The following MCTP2 variants were observed in gnomAD, a reference collection of about 807,000 sequenced individuals.
The protein encoded by MCTP2 is multiple C2 and transmembrane domain-containing protein 2.
A neutral mutation model predicts 111.6 loss-of-function variants in MCTP2; 132 were observed. That is an observed-to-expected ratio of 1.18 (90% CI 1.03 to 1.37). MCTP2 has a LOEUF of 1.37. Ranked by LOEUF, MCTP2 falls within the 40% of genes most tolerant of loss-of-function variation. MCTP2 has a pLI of 0.00. For synonymous variants in MCTP2, 395 were observed against 387.7 expected (o/e 1.02, Z -0.22); for missense variants, 1,183 against 1,067.9 (o/e 1.11, Z -1.50).
At chr15:94,355,386 A>T (rs2078561238) in intron 8 of MCTP2, among the ~76,000 whole-genome samples, 1 of 152,226 alleles carries the variant, frequency 6.6e-6, no homozygotes, top group Admixed American at 6.5e-5. Context: ...ACATAGTGGA[A>T]ATTAAAAAAT....
At chr15:94,466,397 C>T (rs1049945267) in intron 20 of MCTP2, among the ~76,000 whole-genome samples, 1 of 152,060 alleles carries the variant, frequency 6.6e-6, no homozygotes, top group African/African-American at 2.4e-5. Flanking sequence ...GGGATACTAC[C>T]AGTCCCAGGA....
At chr15:94,315,236 A>G (rs1281711685) in intron 3 of MCTP2, among the ~76,000 whole-genome samples, 3 of 152,194 alleles carry the variant, frequency 2.0e-5, no homozygotes, top group African/African-American at 4.8e-5. Flanking sequence ...GGGATCCTGC[A>G]GTAATTTAAT....
intron 17 of MCTP2, among the ~76,000 whole-genome samples, chr15:94,431,348 G>T (rs2083175493): frequency 6.6e-6 from 1 of 152,198 alleles, no homozygotes. Flanking sequence ...GTTTGCAAAT[G>T]GTGCGGTGTG....
chr15:94,243,556 T>A (rs2071304201), intron 1 of MCTP2, among the ~76,000 whole-genome samples: 1 of 148,360 alleles, frequency 6.7e-6, no homozygotes, highest in African/African-American at 2.5e-5. Flanking sequence ...CGTATGCGTA[T>A]ATGCGTATGT....
At chr15:94,246,447 A>G (rs2072014606) in intron 1 of MCTP2, among the ~76,000 whole-genome samples, 1 of 152,204 alleles carries the variant, frequency 6.6e-6, no homozygotes. Flanking sequence ...CTGAAGCACC[A>G]TAGCCTCCCC....
rs756436436 is a variant in MCTP2, at chr15:94,298,415, C to G, written c.150C>G (p.Leu50=). The G allele has an allele frequency of 6.2e-7, 1 of 1,614,216 alleles. No individual in the cohort carries two copies. Among genetic ancestry groups the G allele is most frequent in the South Asian group, 1.1e-5 (1 of 91,084 alleles). The change falls in exon 2 of 23, where the codon CTC becomes CTG. Residue 50 remains leucine, a synonymous_variant. Transcript: ENST00000357742. ...ARHHLDRRLS[L]SVPDLLEAEA... ...ATCACTTGGACCGCCGTCTCAGCCT[C>G]TCTGTGCCTGATCTCCTGGAGGCTG...
chr15:94,450,058 C>T (rs1183638276), intron 19 of MCTP2, among the ~76,000 whole-genome samples: 1 of 151,812 alleles, frequency 6.6e-6, no homozygotes, highest in Non-Finnish European at 1.5e-5. Flanking sequence ...ACTGTGTATT[C>T]CTTTTACTTT....
chr15:94,237,789 C>A (rs1278834164), intron 1 of MCTP2, among the ~76,000 whole-genome samples: 2 of 152,038 alleles, frequency 1.3e-5, no homozygotes, highest in Non-Finnish European at 2.9e-5. Context: ...GAATAGGAAA[C>A]ATTTGTCATC....
chr15:94,444,007 CAGA>C (rs1430947370), intron 19 of MCTP2, among the ~76,000 whole-genome samples: 1,501 of 50,672 alleles, frequency 0.03, 51 homozygotes, highest in African/African-American at 0.09. Context: ...AAAAAAAAAA[CAGA>C]AGTATTAGTG....
chr15:94,465,920 T>C (rs932490512), intron 20 of MCTP2, among the ~76,000 whole-genome samples: 1 of 152,168 alleles, frequency 6.6e-6, no homozygotes, highest in Non-Finnish European at 1.5e-5. Context: ...GGAACCTTCT[T>C]AATCTATGTT....
chr15:94,263,285 T>G (rs1415428539), intron 1 of MCTP2, among the ~76,000 whole-genome samples: 1 of 152,222 alleles, frequency 6.6e-6, no homozygotes, highest in African/African-American at 2.4e-5. Context: ...GTCTCATTGT[T>G]CACGATAGTT....
At chr15:94,353,156 G>A (rs2078405692) in intron 8 of MCTP2, among the ~76,000 whole-genome samples, 1 of 152,190 alleles carries the variant, frequency 6.6e-6, no homozygotes, top group Non-Finnish European at 1.5e-5. Context: ...GATCAAACAT[G>A]ACTGCGTTAA....
chr15:94,241,921 G>GT (rs1344246456), intron 1 of MCTP2, among the ~76,000 whole-genome samples: 4 of 152,218 alleles, frequency 2.6e-5, no homozygotes, highest in African/African-American at 7.2e-5. Flanking sequence ...ATATTTCATA[G>GT]TTTTTTAAAA....
intron 4 of MCTP2, among the ~76,000 whole-genome samples, chr15:94,319,898 C>G (rs535250293): frequency 3.3e-5 from 5 of 152,208 alleles, no homozygotes; most frequent in Middle Eastern, 3.4e-3. Context: ...ACGTGTTCTC[C>G]AATTCTGTAG....
In MCTP2 at chr15:94,465,397, TACAGTAACAGATTA is replaced by T. The variant is rs2073183702; in HGVS notation, c.2361-4932_2361-4919del. Among the ~76,000 whole-genome samples the T allele has an allele frequency of 1.2e-4, 18 of 152,274 alleles. No homozygotes were observed. The South Asian group carries it at 3.7e-3, about 32-fold the overall frequency. ...GATAAAGTTTACTTTATAAATTAGG[TACAGTAACAGATTA>T]ACAATAATAATGAAATAGAACAATT... On this transcript the variant is annotated intron_variant, in intron 20 of 22. Coordinates refer to ENST00000357742, the MANE Select transcript of MCTP2 (RefSeq NM_001385001.1).
chr15:94,400,232 A>T (rs1168097753), intron 16 of MCTP2, among the ~76,000 whole-genome samples: 1 of 152,142 alleles, frequency 6.6e-6, no homozygotes, highest in Non-Finnish European at 1.5e-5. Flanking sequence ...GGTGAAACAG[A>T]AGGTCTCAGG....
At chr15:94,379,889 A>T (rs2080030274) in intron 12 of MCTP2, among the ~76,000 whole-genome samples, 1 of 146,282 alleles carries the variant, frequency 6.8e-6, no homozygotes, top group Non-Finnish European at 1.5e-5. Flanking sequence ...CTTATATATA[A>T]TATATATGAT....
chr15:94,478,376 C>G (rs2074537620), intron 22 of MCTP2, among the ~76,000 whole-genome samples: 1 of 152,168 alleles, frequency 6.6e-6, no homozygotes, highest in Non-Finnish European at 1.5e-5. Context: ...GCCAAGGGCG[C>G]TTTCTAATAA....
intron 4 of MCTP2, among the ~76,000 whole-genome samples, chr15:94,328,518 A>G (rs761580771): frequency 2.0e-5 from 3 of 152,268 alleles, no homozygotes; most frequent in Admixed American, 6.5e-5. Flanking sequence ...TAAAGTTGGT[A>G]AGAGATATTC....
Sources: gnomAD v4.1 joint callset for allele counts (sites outside exome capture counted in the v4.1 genomes callset) on GRCh38, gnomAD v4.1.1 for gene constraint, MANE v1.5 for transcripts, NCBI Gene and HGNC (gene_info 2026-07-23, HGNC 2026-07-21) for gene names.